The following PRR5L variants were observed in gnomAD, a reference collection of about 807,000 sequenced individuals.
PRR5L encodes the protein proline-rich protein 5-like.
PRR5L carries 21 observed loss-of-function variants against 36.4 expected under a neutral mutation model. The observed-to-expected ratio is 0.58, with a 90% CI of 0.41 to 0.83. The LOEUF (loss-of-function observed/expected upper bound fraction) is 0.83, where lower values mean the gene tolerates loss of function less well. Among genes scored for constraint, PRR5L ranks in the 40% least tolerant of loss-of-function variants. The pLI, the probability that PRR5L is intolerant of heterozygous loss-of-function variation, is 0.00. For synonymous variants in PRR5L, 188 were observed against 197.0 expected, an observed-to-expected ratio of 0.95 and a Z score of 0.38; for missense variants, 381 against 473.3, an observed-to-expected ratio of 0.80 and a Z score of 1.81.
At chr11:36,450,576 A>G (rs1442024565) in intron 7 of PRR5L, among the ~76,000 whole-genome samples, 1 of 152,154 alleles carries the variant, frequency 6.6e-6, no homozygotes, top group Non-Finnish European at 1.5e-5. Flanking sequence ...CTTGGCGCTA[A>G]AACTATTCCT....
intron 1 of PRR5L, among the ~76,000 whole-genome samples, chr11:36,360,597 T>C (rs1857076896): frequency 6.6e-6 from 1 of 152,182 alleles, no homozygotes; most frequent in Non-Finnish European, 1.5e-5. Flanking sequence ...ATGCAAGCCA[T>C]CAGCTCAAGG....
chr11:36,316,621 C>A (rs1856560400), intron 1 of PRR5L, among the ~76,000 whole-genome samples: 1 of 152,060 alleles, frequency 6.6e-6, no homozygotes, highest in African/African-American at 2.4e-5. Context: ...GATTACCGGT[C>A]TGGGTGGTGT....
At chr11:36,422,559 T>A (rs1256032842) in intron 4 of PRR5L, among the ~76,000 whole-genome samples, 1 of 152,212 alleles carries the variant, frequency 6.6e-6, no homozygotes, top group Admixed American at 6.5e-5. Context: ...AGCTTGCCAC[T>A]CATACAGCCC....
intron 1 of PRR5L, among the ~76,000 whole-genome samples, chr11:36,353,543 C>G (rs1347309548): frequency 6.6e-6 from 1 of 152,186 alleles, no homozygotes; most frequent in East Asian, 1.9e-4. Flanking sequence ...TCTAGAGCAG[C>G]AGTCCCCAAC....
intron 1 of PRR5L, among the ~76,000 whole-genome samples, chr11:36,299,490 G>A (rs1351025836): frequency 6.6e-6 from 1 of 152,176 alleles, no homozygotes; most frequent in African/African-American, 2.4e-5. Context: ...CCAGTTTCGT[G>A]CCACTTCTTT....
Position 36,446,425 on chromosome 11 carries a change from GT to G in PRR5L, c.572del (p.Leu191CysfsTer24). The G allele has an allele frequency of 6.2e-7, 1 of 1,614,134 alleles. No individual in the cohort carries two copies. Among genetic ancestry groups the G allele is most frequent in the Non-Finnish European group, 8.5e-7 (1 of 1,180,038 alleles). On this transcript the variant is annotated frameshift_variant, in exon 7 of 9. Transcript: ENST00000530639. LOFTEE classifies it high-confidence loss of function. ...AGCTGCCCTCGTCCATTGTCCAGAT[GT>G]TGCTCATCCTGCAGGTGAGGCTGTG... ...SKLPSSIVQM[L>X]LILQSVHEPT... is the part of the protein sequence containing the mutation.
chr11:36,458,662 A>G (rs2133636951), intron 8 of PRR5L, among the ~76,000 whole-genome samples: 1 of 152,322 alleles, frequency 6.6e-6, no homozygotes, highest in South Asian at 2.1e-4. Flanking sequence ...TTCCAGGAGC[A>G]TTGGCTCTAG....
chr11:36,332,367 C>T (rs1156971439), intron 1 of PRR5L, among the ~76,000 whole-genome samples: 2 of 152,102 alleles, frequency 1.3e-5, no homozygotes, highest in African/African-American at 2.4e-5. Flanking sequence ...AGTTCTCCTC[C>T]GTGTGACTTT....
At chr11:36,414,877 T>G (rs1465531630) in intron 3 of PRR5L, among the ~76,000 whole-genome samples, 2 of 143,122 alleles carry the variant, frequency 1.4e-5, no homozygotes, top group Admixed American at 1.4e-4. Context: ...CCATCTTGAA[T>G]TAATTTTTGT....
intron 8 of PRR5L, among the ~76,000 whole-genome samples, chr11:36,457,795 G>T (rs1173127996): frequency 1.3e-5 from 2 of 152,172 alleles, no homozygotes; most frequent in Admixed American, 1.3e-4. Context: ...GTCTCGTCCT[G>T]TCTCCTGCTA....
chr11:36,370,918 AC>A, intron 1 of PRR5L, among the ~76,000 whole-genome samples: 2 of 152,112 alleles, frequency 1.3e-5, no homozygotes. Flanking sequence ...AACAAAAAAA[AC>A]AAAACAAGAA....
At chr11:36,319,682 CT>C (rs10565468) in intron 1 of PRR5L, among the ~76,000 whole-genome samples, 3,744 of 140,664 alleles carry the variant, frequency 0.027, 81 homozygotes, top group East Asian at 0.1. Context: ...ACTAAATTTC[CT>C]TTTTTTTTTT....
chr11:36,396,445 G>A (rs1191401988), intron 1 of PRR5L, among the ~76,000 whole-genome samples: 3 of 152,256 alleles, frequency 2.0e-5, no homozygotes, highest in Non-Finnish European at 4.4e-5. Context: ...GGGGATGGCG[G>A]CTCAGAGGAC....
At chr11:36,367,822 CA>C (rs1857159792) in intron 1 of PRR5L, among the ~76,000 whole-genome samples, 1 of 150,764 alleles carries the variant, frequency 6.6e-6, no homozygotes, top group Non-Finnish European at 1.5e-5. Flanking sequence ...ATGAGGTAAA[CA>C]AAAAAAGGGT....
At position 36,431,841 on chromosome 11, in the gene PRR5L, C is replaced by A; in HGVS notation, c.295-12C>A. On this transcript the variant is annotated splice_polypyrimidine_tract_variant and intron_variant, in intron 4 of 8. Coordinates refer to ENST00000530639, the MANE Select transcript of PRR5L (RefSeq NM_001160167.2). ...TGTCCAAATTCTTATGTTCTTTGTT[C>A]TCTTTTGGCAGAACCAGCTTCTTGC... 1 of 1,613,836 alleles carries A rather than the reference C, an allele frequency of 6.2e-7. No individual in the cohort carries two copies. Among genetic ancestry groups the A allele is most frequent in the Non-Finnish European group, 8.5e-7 (1 of 1,179,704 alleles).
chr11:36,314,477 T>C (rs1856535177), intron 1 of PRR5L, among the ~76,000 whole-genome samples: 1 of 152,210 alleles, frequency 6.6e-6, no homozygotes, highest in African/African-American at 2.4e-5. Flanking sequence ...TACATGCACC[T>C]GCACATCCCT....
Position 36,453,353 on chromosome 11 carries a change from G to A in PRR5L, c.712+2018G>A, listed in dbSNP as rs546777915. 7.2e-5 allele frequency among the ~76,000 whole-genome samples: 11 copies of A among 152,296 alleles called. No individual in the cohort carries two copies. The South Asian group carries it at 1.9e-3, about 26-fold the overall frequency. ...TTGGTGTCCTATCCCAGGAACAAGA[G>A]TCAATTGGGAAGTTTGTTCAGTGAG... On this transcript the variant is annotated intron_variant, in intron 8 of 8. Coordinates refer to ENST00000530639, the MANE Select transcript of PRR5L (RefSeq NM_001160167.2).
intron 1 of PRR5L, among the ~76,000 whole-genome samples, chr11:36,305,533 G>A (rs1472990571): frequency 1.3e-5 from 2 of 152,132 alleles, no homozygotes; most frequent in African/African-American, 2.4e-5. Context: ...TGAATTGTAT[G>A]GTAGGTTCTA....
intron 1 of PRR5L, among the ~76,000 whole-genome samples, chr11:36,308,869 C>G (rs1464493504): frequency 6.6e-6 from 1 of 152,186 alleles, no homozygotes; most frequent in Admixed American, 6.5e-5. Context: ...TAGCCACTGC[C>G]CTTTCTCCCT....
Sources: gnomAD v4.1 joint callset for allele counts (sites outside exome capture counted in the v4.1 genomes callset) on GRCh38, gnomAD v4.1.1 for gene constraint, MANE v1.5 for transcripts, NCBI Gene and HGNC (gene_info 2026-07-23, HGNC 2026-07-21) for gene names.